The following DNAH3 variants were observed in gnomAD, a reference collection of about 807,000 sequenced individuals.
DNAH3 encodes the protein axonemal beta dynein heavy chain 3.
DNAH3 carries 332 observed loss-of-function variants against 432.5 expected under a neutral mutation model. That is an observed-to-expected ratio of 0.77 (90% confidence interval 0.70 to 0.84). The LOEUF is 0.84. Ranked by LOEUF, DNAH3 falls within the 40% of genes least tolerant of loss-of-function variation. DNAH3 has a pLI of 0.00. For synonymous variants in DNAH3, 1,956 were observed against 1,900.2 expected (o/e 1.03, Z -0.76); for missense variants, 4,861 against 5,114.0 (o/e 0.95, Z 1.51).
chr16:21,047,783 T>C (rs1338504673), intron 31 of DNAH3, among the ~76,000 whole-genome samples: 1 of 151,616 alleles, frequency 6.6e-6, no homozygotes, highest in Non-Finnish European at 1.5e-5. Context: ...TTTTCTGTTC[T>C]GTTTTTTCCC....
At chr16:21,106,272 T>C (rs1026649796) in intron 15 of DNAH3, among the ~76,000 whole-genome samples, 6 of 151,960 alleles carry the variant, frequency 3.9e-5, no homozygotes, top group East Asian at 3.9e-4. Flanking sequence ...TTCAAATTAC[T>C]GTGGATATGA....
intron 1 of DNAH3, among the ~76,000 whole-genome samples, chr16:21,147,864 C>G (rs2092805088): frequency 6.6e-6 from 1 of 152,170 alleles, no homozygotes; most frequent in African/African-American, 2.4e-5. Flanking sequence ...AACCACTTCA[C>G]CTGGGACTAG....
intron 28 of DNAH3, among the ~76,000 whole-genome samples, chr16:21,054,152 T>C (rs964660443): frequency 5.3e-5 from 8 of 152,126 alleles, no homozygotes; most frequent in Non-Finnish European, 7.4e-5. Context: ...TGATTCCACG[T>C]TGGTGAAGCT....
In DNAH3 at chr16:20,944,489, C is replaced by T. The variant is rs1043872411; in HGVS notation, c.11511+7G>A. The stretch of plus-strand genomic sequence containing the variant: ...AGGATTAAGCCCCCTTTCCCGAGCC[C>T]AGTTACCTGAGGGGACTTGCCACTT... On this transcript the variant is annotated splice_region_variant and intron_variant, in intron 58 of 61. Transcript: ENST00000261383. The T allele has an allele frequency of 3.1e-6, 5 of 1,613,812 alleles. No individual in the cohort carries two copies. In the African/African-American group the frequency reaches 6.7e-5, roughly 22 times the overall value.
chr16:20,961,337 G>A (rs926954884), intron 53 of DNAH3, among the ~76,000 whole-genome samples: 8 of 152,020 alleles, frequency 5.3e-5, no homozygotes, highest in African/African-American at 1.9e-4. Flanking sequence ...ACACACCAGG[G>A]CCTGTCGTGG....
intron 51 of DNAH3, among the ~76,000 whole-genome samples, chr16:20,972,564 C>T (rs1179898909): frequency 6.6e-6 from 1 of 151,704 alleles, no homozygotes; most frequent in Non-Finnish European, 1.5e-5. Context: ...TTCCATTCAC[C>T]TCGTGTCTAT....
At chr16:21,005,125 T>G (rs1462392001) in intron 41 of DNAH3, among the ~76,000 whole-genome samples, 2 of 152,100 alleles carry the variant, frequency 1.3e-5, no homozygotes, top group Middle Eastern at 3.2e-3. Context: ...ACTAATTTTC[T>G]TCCTCTTTCT....
In DNAH3 at chr16:21,155,495, G is replaced by T. The variant is rs1045981052; in HGVS notation, c.117+3830C>A. The stretch of plus-strand genomic sequence containing the variant: ...AAATTAGCTGGGCGTGGCGGCACAT[G>T]CCTGTAATCCCAGCTACTCCGGAGG... On this transcript the variant is annotated intron_variant, in intron 1 of 61. Transcript: ENST00000261383. Among the ~76,000 whole-genome samples the T allele has an allele frequency of 3.3e-5, 5 of 151,826 alleles. No homozygotes were observed. The East Asian group carries it at 9.8e-4, about 30-fold the overall frequency.
At chr16:21,102,266 C>T (rs1364741128) in intron 16 of DNAH3, among the ~76,000 whole-genome samples, 1 of 152,222 alleles carries the variant, frequency 6.6e-6, no homozygotes, top group Non-Finnish European at 1.5e-5. Flanking sequence ...CAAGGACACT[C>T]TACTCCTCTC....
At chr16:21,083,517 C>A in intron 19 of DNAH3, among the ~76,000 whole-genome samples, 1 of 152,168 alleles carries the variant, frequency 6.6e-6, no homozygotes, top group East Asian at 1.9e-4. Context: ...AGATTTGTGG[C>A]TTCCATTTCG....
chr16:21,153,494 G>A (rs1297818361), intron 1 of DNAH3, among the ~76,000 whole-genome samples: 2 of 152,198 alleles, frequency 1.3e-5, no homozygotes, highest in Non-Finnish European at 2.9e-5. Flanking sequence ...CCAATCAGCA[G>A]GATGTGGGTG....
At chr16:20,963,666 G>C in exon 53 of DNAH3, 2 of 1,614,028 alleles carry the variant, frequency 1.2e-6, no homozygotes, top group Non-Finnish European at 1.7e-6. Flanking sequence ...GATTGGGGTA[G>C]GGGTTATCCA....
intron 1 of DNAH3, among the ~76,000 whole-genome samples, chr16:21,147,975 G>A (rs958545275): frequency 2.6e-5 from 4 of 152,138 alleles, no homozygotes; most frequent in South Asian, 2.1e-4. Context: ...TGGTTTGAGG[G>A]ATTTTCAAGG....
At chr16:21,087,103 T>C in intron 18 of DNAH3, 43 bp from the exon 19 acceptor site, 1 of 1,502,510 alleles carries the variant, frequency 6.7e-7, no homozygotes, top group Non-Finnish European at 9.3e-7. Flanking sequence ...ATCATGTGGA[T>C]GTTAGTCATG....
At chr16:21,094,180 A>T (rs1043579159) in intron 18 of DNAH3, among the ~76,000 whole-genome samples, 8 of 152,222 alleles carry the variant, frequency 5.3e-5, no homozygotes, top group African/African-American at 1.7e-4. Context: ...ATTTATAAAG[A>T]CCTCACAAAA....
intron 7 of DNAH3, among the ~76,000 whole-genome samples, chr16:21,130,512 T>G (rs999305035): frequency 3.4e-4 from 52 of 152,108 alleles, no homozygotes; most frequent in African/African-American, 1.2e-3. Context: ...ACCATGTTGG[T>G]CAGGCTGGTG....
At chr16:21,115,467 G>C (rs1254104868) in intron 12 of DNAH3, among the ~76,000 whole-genome samples, 1 of 151,788 alleles carries the variant, frequency 6.6e-6, no homozygotes, top group Non-Finnish European at 1.5e-5. Context: ...AGCACTTTGG[G>C]AGGCCGAGGT....
At chr16:20,963,837 G>C in exon 53 of DNAH3, 1 of 1,614,106 alleles carries the variant, frequency 6.2e-7, no homozygotes, top group South Asian at 1.1e-5. Flanking sequence ...AATGGTCAAT[G>C]ATGTACTTGA....
At chr16:20,974,753 C>T (rs537387812) in intron 51 of DNAH3, among the ~76,000 whole-genome samples, 320 of 151,364 alleles carry the variant, frequency 2.1e-3, no homozygotes, top group African/African-American at 7.4e-3. Flanking sequence ...CTGGTTTCAG[C>T]GATGTTTCAG....
Sources: gnomAD v4.1 joint callset for allele counts (sites outside exome capture counted in the v4.1 genomes callset) on GRCh38, gnomAD v4.1.1 for gene constraint, MANE v1.5 for transcripts, NCBI Gene and HGNC (gene_info 2026-07-23, HGNC 2026-07-21) for gene names.